Variants in YEATS2 observed in about 807,000 individuals in gnomAD.
The protein encoded by YEATS2 is YEATS domain containing 2.
A neutral mutation model predicts 163.2 loss-of-function variants in YEATS2; 77 were observed. That is an observed-to-expected ratio of 0.47 (90% CI 0.39 to 0.57). The LOEUF (loss-of-function observed/expected upper bound fraction) is 0.57, where lower values mean the gene tolerates loss of function less well. Ranked by LOEUF, YEATS2 falls within the 20% of genes least tolerant of loss-of-function variation. The pLI is 0.00. For missense variants in YEATS2, 1,549 were observed against 1,729.8 expected (o/e 0.90, Z 1.85); for synonymous variants, 631 against 645.1 (o/e 0.98, Z 0.33).
intron 13 of YEATS2, among the ~76,000 whole-genome samples, chr3:183,760,097 G>A (rs990031754): frequency 3.9e-5 from 6 of 152,138 alleles, no homozygotes; most frequent in Admixed American, 1.3e-4. Flanking sequence ...GGTCCAAGGC[G>A]AGGCTGTTCT....
At chr3:183,756,489 T>G in intron 11 of YEATS2, 39 bp from the exon 12 acceptor site, 2 of 1,504,134 alleles carry the variant, frequency 1.3e-6, no homozygotes, top group Non-Finnish European at 1.8e-6. Context: ...GAGTTGAATA[T>G]GTGTATTTTG....
At chr3:183,774,829 G>A (rs262959) in intron 17 of YEATS2, among the ~76,000 whole-genome samples, 109,892 of 152,088 alleles carry the variant, frequency 0.72, 40,994 homozygotes, top group East Asian at 0.96. Flanking sequence ...CTCACTTGGT[G>A]TTTTTTCCTC....
In YEATS2 at chr3:183,773,742, A is replaced by G. The variant is rs1270103332; in HGVS notation, c.2316A>G (p.Gly772=). 1.2e-6 allele frequency: 2 copies of G among 1,613,488 alleles called. No homozygotes were observed. Among genetic ancestry groups the G allele is most frequent in the East Asian group, 4.5e-5 (2 of 44,860 alleles). The change falls in exon 17 of 31, where the codon GGA becomes GGG. Residue 772 remains glycine, a synonymous_variant. Coordinates refer to ENST00000305135, the MANE Select transcript of YEATS2 (RefSeq NM_018023.5). ...TTNSKNPSGK[G]KLLLIPQGAI... ...ACAGCAAGAACCCTTCAGGAAAAGG[A>G]AAACTGCTGCTGATCCCTCAAGGAG...
rs1358188422 is a variant in YEATS2, at chr3:183,769,117, T to C, written c.1948-3188T>C. The stretch of plus-strand genomic sequence containing the variant: ...TTCTTTTATTCTGTTTCTTCTTTTC[T>C]TCTCTCCTTAAACATACAGAAAAGT... On this transcript the variant is annotated intron_variant, in intron 15 of 30. Coordinates refer to ENST00000305135, the MANE Select transcript of YEATS2 (RefSeq NM_018023.5). 2.0e-5 allele frequency among the ~76,000 whole-genome samples: 3 copies of C among 152,242 alleles called. No homozygotes were observed. The East Asian group carries it at 5.8e-4, about 29-fold the overall frequency.
At chr3:183,810,350 G>A in intron 30 of YEATS2, 125 bp from the exon 31 acceptor site, 2 of 795,700 alleles carry the variant, frequency 2.5e-6, no homozygotes, top group Non-Finnish European at 4.2e-6. Flanking sequence ...AGCTATGTCT[G>A]TGGCTCAGGA....
At position 183,754,084 on chromosome 3, in the gene YEATS2, AGCGATTGATGACTT is replaced by A. The variant is rs766843374; in HGVS notation, c.1151-39_1151-26del. 23 of 1,502,492 alleles carry A rather than the reference AGCGATTGATGACTT, an allele frequency of 1.5e-5. No individual in the cohort carries two copies. The East Asian group carries it at 2.3e-4, about 15-fold the overall frequency. 93.1% of individuals were successfully genotyped at this position (1,502,492 alleles called of 1,614,324 possible). A position where few individuals can be genotyped will look rare whatever the true frequency, so the allele number is the denominator to read the frequency against. ...CCACAACGGTAAGGTTTTATTTCAA[AGCGATTGATGACTT>A]GCCGTTTGCCTCTTTCATCTCAAGC... On this transcript the variant is annotated intron_variant, in intron 10 of 30. Transcript: ENST00000305135.
At chr3:183,731,695 C>T (rs1717797504) in intron 7 of YEATS2, among the ~76,000 whole-genome samples, 1 of 152,300 alleles carries the variant, frequency 6.6e-6, no homozygotes, top group South Asian at 2.1e-4. Context: ...TCCAGTTTCT[C>T]TTTCATCCTG....
chr3:183,784,853 C>T (rs1723907266), intron 19 of YEATS2, among the ~76,000 whole-genome samples: 1 of 151,026 alleles, frequency 6.6e-6, no homozygotes, highest in Non-Finnish European at 1.5e-5. Context: ...ACGGGCGGAT[C>T]ACCTGAGGTC....
intron 27 of YEATS2, chr3:183,806,094 C>G (rs1726168234): frequency 2.8e-6 from 1 of 353,962 alleles, no homozygotes; most frequent in Admixed American, 3.8e-5. Flanking sequence ...TTACAATGGT[C>G]TGAAAGCTGT....
Position 183,797,944 on chromosome 3 carries a change from G to C in YEATS2, c.3119G>C (p.Ser1040Thr). 6.2e-7 allele frequency: 1 copy of C among 1,614,108 alleles called. No individual in the cohort carries two copies. Among genetic ancestry groups the C allele is most frequent in the South Asian group, 1.1e-5 (1 of 91,074 alleles). ...TVSGLLKIHS[S>T]QSSPQQAVLT... ...CTAGGACTGTTAAAGATTCACTCCA[G>C]TCAGTCCAGTCCGCAGCAGGCCGTC... is the stretch of plus-strand genomic sequence containing the variant. The change falls in exon 22 of 31, where the codon AGT (serine) becomes ACT (threonine). Residue 1040 changes from serine to threonine, a missense_variant. Physicochemically the swap from Ser to Thr is moderately conservative, Grantham distance 58. Coordinates refer to ENST00000305135, the MANE Select transcript of YEATS2 (RefSeq NM_018023.5).
chr3:183,730,058 T>TGTTTG (rs1560244369), intron 7 of YEATS2, among the ~76,000 whole-genome samples: 2 of 41,558 alleles, frequency 4.8e-5, no homozygotes, highest in African/African-American at 2.8e-4. Flanking sequence ...GTTTGTTTTT[T>TGTTTG]TTTTTTTTTT....
chr3:183,771,066 G>C (rs954333245), intron 15 of YEATS2, among the ~76,000 whole-genome samples: 1 of 152,132 alleles, frequency 6.6e-6, no homozygotes, highest in African/African-American at 2.4e-5. Context: ...ACTATACGGG[G>C]GTATGTGAAT....
intron 19 of YEATS2, among the ~76,000 whole-genome samples, chr3:183,779,948 G>T (rs974346576): frequency 2.6e-5 from 4 of 151,062 alleles, no homozygotes; most frequent in Non-Finnish European, 4.4e-5. Context: ...TGCCCGCCTC[G>T]GCCTCCCAAT....
chr3:183,751,396 T>C (rs1259362338), intron 9 of YEATS2, among the ~76,000 whole-genome samples: 2 of 152,218 alleles, frequency 1.3e-5, no homozygotes, highest in Non-Finnish European at 1.5e-5. Flanking sequence ...CTTCTCTCCC[T>C]TTTTTTGTAT....
At chr3:183,717,860 CTT>C (rs34867307) in intron 3 of YEATS2, 112 bp downstream of exon 3, 3,160 of 274,368 alleles carry the variant, frequency 0.012, no homozygotes, top group East Asian at 0.015. Context: ...CTCCTCTTTG[CTT>C]TTTTTTTTTT....
chr3:183,806,575 C>G (rs746811614), intron 27 of YEATS2: 31 of 456,368 alleles, frequency 6.8e-5, no homozygotes, highest in Non-Finnish European at 1.1e-4. Flanking sequence ...CCTTAATACT[C>G]AGAGGGAGGG....
rs71318339 is a variant in YEATS2, at chr3:183,761,275, C to T, written c.1657-232C>T. Among the ~76,000 whole-genome samples, 990 of 152,130 alleles carry T rather than the reference C, an allele frequency of 6.5e-3. 9 individuals are homozygous for T. Among genetic ancestry groups the T allele is most frequent in the Non-Finnish European group, 8.9e-3 (608 of 67,986 alleles). On this transcript the variant is annotated intron_variant, in intron 13 of 30. Coordinates refer to ENST00000305135, the MANE Select transcript of YEATS2 (RefSeq NM_018023.5). ...GCTAATTTTGTATATTTAGTAGAGA[C>T]AGGGTTTCTCCGTGTTGGTCAGGCT... is the stretch of plus-strand genomic sequence containing the variant.
At chr3:183,728,566 G>A in intron 6 of YEATS2, 124 bp from the exon 7 acceptor site, 1 of 849,858 alleles carries the variant, frequency 1.2e-6, no homozygotes, top group Non-Finnish European at 1.7e-6. Context: ...GCTTGTTTAG[G>A]TGATGTAGTT....
chr3:183,808,003 A>T lies in YEATS2; in HGVS notation c.4012-27A>T, dbSNP rs781069400. ...GGCTGTTTCTAAAGCAGCGATACGA[A>T]CAAACGGCTTTCTTCTGCTTTTCCA... On this transcript the variant is annotated intron_variant, in intron 28 of 30. Transcript: ENST00000305135. 18 of 1,547,778 alleles carry T rather than the reference A, an allele frequency of 1.2e-5. No individual in the cohort carries two copies. In the South Asian group the frequency reaches 2.1e-4, roughly 18 times the overall value.
Sources: allele counts gnomAD v4.1 joint callset (sites outside exome capture counted in the v4.1 genomes callset), GRCh38; gene constraint gnomAD v4.1.1; transcripts MANE v1.5; gene names NCBI Gene and HGNC (gene_info 2026-07-23, HGNC 2026-07-21).